The following TENM4 variants were observed in gnomAD, a reference collection of about 807,000 sequenced individuals.
TENM4 encodes teneurin-4.
Under a neutral mutation model 243.3 loss-of-function variants are expected in TENM4, and 82 were observed. The ratio of observed to expected loss-of-function variants is 0.34; its 90% CI spans 0.28 to 0.40. TENM4 has a LOEUF of 0.40. Ranked by LOEUF, TENM4 falls within the 10% of genes least tolerant of loss-of-function variation. The pLI is 1.00. For synonymous variants in TENM4, 1,412 were observed against 1,456.3 expected (o/e 0.97, Z 0.69); for missense variants, 3,138 against 3,673.3 (o/e 0.85, Z 3.77).
intron 1 of TENM4, among the ~76,000 whole-genome samples, chr11:79,431,542 G>A (rs1172348561): frequency 6.6e-6 from 1 of 152,162 alleles, no homozygotes; most frequent in Non-Finnish European, 1.5e-5. Flanking sequence ...TTACCTAAAA[G>A]GGTATATTAA....
At chr11:79,055,275 T>C (rs1356016875) in intron 6 of TENM4, among the ~76,000 whole-genome samples, 1 of 152,144 alleles carries the variant, frequency 6.6e-6, no homozygotes, top group Non-Finnish European at 1.5e-5. Context: ...GCAGTCTCAC[T>C]CTGTTGTCTA....
At chr11:79,160,301 GAC>G (rs1431277750) in intron 3 of TENM4, among the ~76,000 whole-genome samples, 2 of 152,148 alleles carry the variant, frequency 1.3e-5, no homozygotes, top group Admixed American at 1.3e-4. Flanking sequence ...TTACTGTTTT[GAC>G]TTTCACCCTC....
chr11:78,784,578 A>T (rs1176281199), intron 16 of TENM4, among the ~76,000 whole-genome samples: 1 of 152,206 alleles, frequency 6.6e-6, no homozygotes, highest in Non-Finnish European at 1.5e-5. Context: ...AGCCACTATG[A>T]CTAGTCTATT....
chr11:79,165,295 C>G (rs1461155806), intron 3 of TENM4, among the ~76,000 whole-genome samples: 1 of 152,082 alleles, frequency 6.6e-6, no homozygotes, highest in African/African-American at 2.4e-5. Context: ...CACATCCATG[C>G]CAATATCTAT....
chr11:79,132,361 A>AAAAAAAAAAAAAAAAG (rs1353670850), intron 4 of TENM4, among the ~76,000 whole-genome samples: 7 of 149,984 alleles, frequency 4.7e-5, no homozygotes, highest in Non-Finnish European at 1.0e-4. Flanking sequence ...AAAAAAAAAA[A>AAAAAAAAAAAAAAAAG]AGAGAAATGA....
At chr11:79,002,006 C>T (rs570428764) in intron 6 of TENM4, among the ~76,000 whole-genome samples, 42 of 152,268 alleles carry the variant, frequency 2.8e-4, no homozygotes, top group African/African-American at 9.9e-4. Context: ...TCTGGTGCAT[C>T]CAGGGTGCAC....
chr11:78,926,834 G>A (rs532787005), intron 6 of TENM4, among the ~76,000 whole-genome samples: 1 of 152,146 alleles, frequency 6.6e-6, no homozygotes, highest in South Asian at 2.1e-4. Context: ...CCAGTGATTA[G>A]GAGAACCATC....
intron 1 of TENM4, among the ~76,000 whole-genome samples, chr11:79,325,878 C>A (rs1310436818): frequency 6.6e-6 from 1 of 152,176 alleles, no homozygotes; most frequent in East Asian, 1.9e-4. Context: ...CTTAAGAGAG[C>A]ATGAAACACC....
intron 10 of TENM4, among the ~76,000 whole-genome samples, chr11:78,858,431 C>T (rs769890825): frequency 6.6e-5 from 10 of 152,112 alleles, no homozygotes; most frequent in Non-Finnish European, 1.3e-4. Context: ...GGCCTCTGGT[C>T]ACCAGTGGTC....
chr11:78,947,511 C>G (rs1264675327), intron 6 of TENM4, among the ~76,000 whole-genome samples: 1 of 152,188 alleles, frequency 6.6e-6, no homozygotes, highest in African/African-American at 2.4e-5. Context: ...CCTCAGAAAA[C>G]TTTAAAAAGA....
At chr11:78,841,947 T>C (rs1336533105) in intron 12 of TENM4, among the ~76,000 whole-genome samples, 1 of 152,142 alleles carries the variant, frequency 6.6e-6, no homozygotes, top group African/African-American at 2.4e-5. Flanking sequence ...TTTTCTCTAC[T>C]TTTTCCCGTC....
intron 2 of TENM4, among the ~76,000 whole-genome samples, chr11:79,248,074 G>A (rs147218656): frequency 1.3e-5 from 2 of 152,148 alleles, no homozygotes; most frequent in African/African-American, 2.4e-5. Context: ...CCAAGATGAC[G>A]TGGCTCATTG....
At chr11:78,890,044 G>A (rs946847302) in intron 8 of TENM4, 24 bp from the exon 9 acceptor site, 45 of 1,508,826 alleles carry the variant, frequency 3.0e-5, no homozygotes, top group Non-Finnish European at 3.6e-5. Flanking sequence ...GCAGCAAGAG[G>A]GTGTCAGGGG....
intron 3 of TENM4, among the ~76,000 whole-genome samples, chr11:79,199,502 T>C (rs185285620): frequency 1.8e-4 from 27 of 152,372 alleles, no homozygotes; most frequent in Non-Finnish European, 3.1e-4. Context: ...AAGTTCATTG[T>C]CATTATTTAT....
Position 78,669,704 on chromosome 11 carries a change from C to G in TENM4, c.6641G>C (p.Arg2214Pro). 6.2e-7 allele frequency: 1 copy of G among 1,613,992 alleles called. No individual in the cohort carries two copies. Among genetic ancestry groups the G allele is most frequent in the Non-Finnish European group, 8.5e-7 (1 of 1,179,900 alleles). ...GTTCCCATTGAGGTCGTAGCTGTAG[C>G]GCCAGAGTGGCTTGTCATTGATGGA... Reference protein sequence around the residue: ...TVSINDKPLWRYSYDLNGNLH... With the variant: ...TVSINDKPLWPYSYDLNGNLH... Residue 2214 changes from arginine (R) to proline (P), a missense_variant, in exon 32 of 34, where the codon CGC (arginine) becomes CCC (proline). Arg to Pro is a moderately radical substitution (Grantham distance 103, BLOSUM62 -2). Transcript: ENST00000278550. The surrounding 1 kb of genome is among the most constrained non-coding windows in gnomAD (Gnocchi z 6.4).
chr11:79,028,319 A>G (rs771069868), intron 6 of TENM4, among the ~76,000 whole-genome samples: 1 of 152,226 alleles, frequency 6.6e-6, no homozygotes, highest in Non-Finnish European at 1.5e-5. Context: ...TGCTTGTCCT[A>G]GGTCAGCTTC....
At chr11:79,292,895 T>C (rs1417353095) in intron 2 of TENM4, among the ~76,000 whole-genome samples, 3 of 152,232 alleles carry the variant, frequency 2.0e-5, no homozygotes, top group Middle Eastern at 3.2e-3. Flanking sequence ...CAAATAGCCA[T>C]GTAGCCATTT....
At chr11:79,195,016 C>G (rs1565244599) in intron 3 of TENM4, among the ~76,000 whole-genome samples, 1 of 152,206 alleles carries the variant, frequency 6.6e-6, no homozygotes, top group African/African-American at 2.4e-5. Context: ...CCCAGCCACT[C>G]CAGCCATGCC....
intron 9 of TENM4, among the ~76,000 whole-genome samples, chr11:78,873,833 G>A (rs114134155): frequency 0.023 from 3,435 of 152,172 alleles, 130 homozygotes; most frequent in African/African-American, 0.079. Context: ...CTCACTTTGT[G>A]TGGATTTCTC....
Sources: allele counts gnomAD v4.1 joint callset (sites outside exome capture counted in the v4.1 genomes callset), GRCh38; gene constraint gnomAD v4.1.1; non-coding constraint Gnocchi (gnomAD v3.1); transcripts MANE v1.5; gene names NCBI Gene and HGNC (gene_info 2026-07-23, HGNC 2026-07-21).